Variants in THRB observed in about 807,000 individuals in gnomAD.
The protein encoded by THRB is thyroid hormone receptor beta, also known as nuclear receptor subfamily 1 group A member 2.
Under a neutral mutation model 47.8 loss-of-function variants are expected in THRB, and 12 were observed. The observed-to-expected ratio is 0.25, with a 90% CI of 0.16 to 0.41. The LOEUF (loss-of-function observed/expected upper bound fraction) is 0.41. Ranked by LOEUF, THRB falls within the 10% of genes least tolerant of loss-of-function variation. THRB has a pLI of 1.00. For synonymous variants in THRB, 218 were observed against 212.2 expected, an observed-to-expected ratio of 1.03 and a Z score of -0.24; for missense variants, 348 against 589.2, an observed-to-expected ratio of 0.59 and a Z score of 4.24.
At chr3:24,454,379 G>C (rs2072967090) in intron 1 of THRB, among the ~76,000 whole-genome samples, 1 of 152,168 alleles carries the variant, frequency 6.6e-6, no homozygotes, top group Non-Finnish European at 1.5e-5. Context: ...TGAGGAGCAA[G>C]TGTTAATGAG....
At chr3:24,297,738 G>A (rs2056567987) in intron 2 of THRB, among the ~76,000 whole-genome samples, 1 of 152,154 alleles carries the variant, frequency 6.6e-6, no homozygotes, top group African/African-American at 2.4e-5. Flanking sequence ...ACTTGATGCT[G>A]CACATTATAA....
intron 5 of THRB, among the ~76,000 whole-genome samples, chr3:24,158,779 T>A (rs750414460): frequency 6.6e-6 from 1 of 152,180 alleles, no homozygotes; most frequent in Non-Finnish European, 1.5e-5. Context: ...TCATATATTA[T>A]GTAAGCATTA....
chr3:24,444,197 G>C (rs2125441953), intron 1 of THRB, among the ~76,000 whole-genome samples: 1 of 152,162 alleles, frequency 6.6e-6, no homozygotes, highest in East Asian at 1.9e-4. Context: ...AATGTTATAG[G>C]ACATAATCAA....
chr3:24,475,396 A>G (rs1293139463), intron 1 of THRB, among the ~76,000 whole-genome samples: 1 of 152,170 alleles, frequency 6.6e-6, no homozygotes, highest in Non-Finnish European at 1.5e-5. Flanking sequence ...TATCTTCAAT[A>G]TACTTTCTTA....
chr3:24,222,587 G>C (rs2047263773), intron 4 of THRB, among the ~76,000 whole-genome samples: 1 of 152,278 alleles, frequency 6.6e-6, no homozygotes, highest in East Asian at 1.9e-4. Context: ...AGAGATGTCT[G>C]AGCATGAATT....
chr3:24,416,017 A>T (rs1173960015), intron 1 of THRB, among the ~76,000 whole-genome samples: 1 of 151,890 alleles, frequency 6.6e-6, no homozygotes, highest in African/African-American at 2.4e-5. Context: ...GAAATTTGAA[A>T]TCCAAACTAT....
chr3:24,294,455 G>T (rs751211100), intron 3 of THRB, among the ~76,000 whole-genome samples: 8 of 152,218 alleles, frequency 5.3e-5, no homozygotes, highest in Non-Finnish European at 1.0e-4. Flanking sequence ...ATGAGCCCAT[G>T]ACCCAATTCT....
At chr3:24,281,595 A>C (rs2054615930) in intron 3 of THRB, among the ~76,000 whole-genome samples, 1 of 128,340 alleles carries the variant, frequency 7.8e-6, no homozygotes, top group African/African-American at 2.8e-5. Context: ...TATTAACTTT[A>C]AATGTAAATG....
rs377515889 is a variant in THRB at position 24,326,905 on chromosome 3, C to G, written c.-189+10395G>C. Among the ~76,000 whole-genome samples the G allele has an allele frequency of 5.3e-5, 8 of 151,900 alleles. No individual in the cohort carries two copies. The East Asian group carries it at 9.7e-4, about 18-fold the overall frequency. On this transcript the variant is annotated intron_variant, in intron 2 of 10. Coordinates refer to ENST00000646209, the MANE Select transcript of THRB (RefSeq NM_001354712.2). ...TCAGCCTCCTGTGTAGCTGGGACTACAGGTGCGTGCCACCATGCCCAGCTA... is the reference window on the plus strand; with the variant it reads ...TCAGCCTCCTGTGTAGCTGGGACTAGAGGTGCGTGCCACCATGCCCAGCTA...
At chr3:24,316,177 C>A (rs1043070260) in intron 2 of THRB, among the ~76,000 whole-genome samples, 3 of 152,132 alleles carry the variant, frequency 2.0e-5, no homozygotes, top group Non-Finnish European at 4.4e-5. Flanking sequence ...GACAAAGTGT[C>A]TTTAGATAGA....
chr3:24,182,279 C>A (rs1294249705), intron 5 of THRB, among the ~76,000 whole-genome samples: 1 of 152,078 alleles, frequency 6.6e-6, no homozygotes, highest in East Asian at 1.9e-4. Flanking sequence ...TATAAGCATT[C>A]AGGGCAACTT....
At chr3:24,481,573 GA>G (rs566266979) in intron 1 of THRB, among the ~76,000 whole-genome samples, 200 of 152,134 alleles carry the variant, frequency 1.3e-3, no homozygotes, top group African/African-American at 3.9e-3. Flanking sequence ...AAGGGGTGTG[GA>G]CACTGAATAG....
At chr3:24,245,560 A>G (rs892745235) in intron 3 of THRB, among the ~76,000 whole-genome samples, 3 of 152,132 alleles carry the variant, frequency 2.0e-5, no homozygotes, top group Admixed American at 6.5e-5. Context: ...CACTCCACAG[A>G]TTACCATGCC....
At chr3:24,334,054 G>A (rs1021057037) in intron 2 of THRB, among the ~76,000 whole-genome samples, 1 of 152,136 alleles carries the variant, frequency 6.6e-6, no homozygotes, top group African/African-American at 2.4e-5. Context: ...CTGTATTTCT[G>A]CCGCAATAAT....
chr3:24,165,889 T>A (rs980277466), intron 5 of THRB, among the ~76,000 whole-genome samples: 2 of 152,126 alleles, frequency 1.3e-5, no homozygotes, highest in African/African-American at 4.8e-5. Context: ...ACAAAGAAAA[T>A]CCTAAAATCA....
intron 1 of THRB, among the ~76,000 whole-genome samples, chr3:24,405,320 G>A (rs1334373999): frequency 2.6e-5 from 4 of 151,896 alleles, no homozygotes; most frequent in African/African-American, 9.7e-5. Context: ...AAGTTTTACT[G>A]TAACACAGTC....
At chr3:24,371,566 C>T (rs1399164503) in intron 1 of THRB, among the ~76,000 whole-genome samples, 1 of 152,008 alleles carries the variant, frequency 6.6e-6, no homozygotes, top group Admixed American at 6.6e-5. Context: ...TCATGGTTAC[C>T]GTTCCACCCA....
chr3:24,450,350 G>A (rs2072529103), intron 1 of THRB, among the ~76,000 whole-genome samples: 1 of 152,134 alleles, frequency 6.6e-6, no homozygotes, highest in South Asian at 2.1e-4. Context: ...TTACACATTG[G>A]CAACCCTCAC....
chr3:24,238,728 C>A (rs927757307), intron 3 of THRB, among the ~76,000 whole-genome samples: 1 of 152,012 alleles, frequency 6.6e-6, no homozygotes, highest in Non-Finnish European at 1.5e-5. Context: ...GATTTTTAAC[C>A]CTGGGATAAA....
Sources: allele counts gnomAD v4.1 joint callset (sites outside exome capture counted in the v4.1 genomes callset), GRCh38; gene constraint gnomAD v4.1.1; transcripts MANE v1.5; gene names NCBI Gene and HGNC (gene_info 2026-07-23, HGNC 2026-07-21).